The following CACNA2D3 variants were observed in gnomAD, a reference collection of about 807,000 sequenced individuals.
The protein encoded by CACNA2D3 is calcium voltage-gated channel auxiliary subunit alpha2delta 3.
CACNA2D3 carries 60 observed loss-of-function variants against 160.6 expected under a neutral mutation model. That is an observed-to-expected ratio of 0.37 (90% CI 0.30 to 0.46). The LOEUF is 0.46. Ranked by LOEUF, CACNA2D3 falls within the 20% of genes least tolerant of loss-of-function variation. The probability of loss-of-function intolerance (pLI) is 1.00; values close to 1 mark genes in which losing one functional copy is unlikely to be tolerated. For synonymous variants in CACNA2D3, 558 were observed against 492.9 expected (o/e 1.13, Z -1.75); for missense variants, 1,205 against 1,365.0 (o/e 0.88, Z 1.85).
At chr3:54,516,871 C>T (rs376739098) in intron 5 of CACNA2D3, among the ~76,000 whole-genome samples, 1 of 152,166 alleles carries the variant, frequency 6.6e-6, no homozygotes, top group East Asian at 1.9e-4. Context: ...AAAGTGCCCC[C>T]AAAATCCAGA....
chr3:54,133,371 C>CT (rs1311861714), intron 2 of CACNA2D3, among the ~76,000 whole-genome samples: 2 of 152,190 alleles, frequency 1.3e-5, no homozygotes, highest in Non-Finnish European at 2.9e-5. Flanking sequence ...AAGGCAGACT[C>CT]TGAGTCCGCA....
chr3:54,663,204 A>G (rs1559542863), intron 11 of CACNA2D3, among the ~76,000 whole-genome samples: 1 of 152,166 alleles, frequency 6.6e-6, no homozygotes, highest in African/African-American at 2.4e-5. Flanking sequence ...GATGTTTTCA[A>G]TGACTTAGTT....
At chr3:54,787,589 A>AGTTTTC (rs1409624420) in intron 13 of CACNA2D3, among the ~76,000 whole-genome samples, 2 of 152,196 alleles carry the variant, frequency 1.3e-5, no homozygotes, top group African/African-American at 4.8e-5. Flanking sequence ...AAAACTTTAA[A>AGTTTTC]AATTAGTTAG....
chr3:54,960,418 C>A (rs1055721768), intron 27 of CACNA2D3, among the ~76,000 whole-genome samples: 5 of 152,138 alleles, frequency 3.3e-5, no homozygotes, highest in African/African-American at 1.2e-4. Context: ...ATACCTCCTC[C>A]CCTTTTATCA....
At chr3:54,720,208 A>G (rs943370472) in intron 11 of CACNA2D3, among the ~76,000 whole-genome samples, 1 of 151,940 alleles carries the variant, frequency 6.6e-6, no homozygotes, top group Non-Finnish European at 1.5e-5. Flanking sequence ...TTAAAATGGA[A>G]CCTTAGATTA....
chr3:54,952,444 G>A (rs7636684), intron 27 of CACNA2D3, among the ~76,000 whole-genome samples: 118,521 of 152,130 alleles, frequency 0.78, 46,958 homozygotes, highest in African/African-American at 0.92. Flanking sequence ...GGCTCTCAGA[G>A]ACAGATCAGT....
chr3:55,043,938 A>G (rs1704017063), intron 35 of CACNA2D3, among the ~76,000 whole-genome samples: 1 of 152,170 alleles, frequency 6.6e-6, no homozygotes, highest in Non-Finnish European at 1.5e-5. Flanking sequence ...ATATGTATAC[A>G]TCTGATTGAA....
intron 2 of CACNA2D3, among the ~76,000 whole-genome samples, chr3:54,245,295 G>A (rs1702051060): frequency 6.6e-6 from 1 of 151,898 alleles, no homozygotes; most frequent in South Asian, 2.1e-4. Context: ...GTATGTAAGT[G>A]TGCATGTGTA....
At chr3:54,847,215 GT>G (rs1421526332) in intron 17 of CACNA2D3, among the ~76,000 whole-genome samples, 1 of 152,164 alleles carries the variant, frequency 6.6e-6, no homozygotes, top group African/African-American at 2.4e-5. Context: ...TAGTTGCAGT[GT>G]GTTGAAAAAA....
At chr3:54,893,657 T>C (rs1038057348) in intron 25 of CACNA2D3, among the ~76,000 whole-genome samples, 5 of 152,254 alleles carry the variant, frequency 3.3e-5, no homozygotes, top group Middle Eastern at 3.4e-3. Context: ...TAATATAAAG[T>C]TGCTACCCTG....
chr3:54,934,278 A>G (rs1701275595), intron 27 of CACNA2D3, among the ~76,000 whole-genome samples: 1 of 152,184 alleles, frequency 6.6e-6, no homozygotes, highest in Non-Finnish European at 1.5e-5. Context: ...TAAGATGTAA[A>G]TTGAATTATC....
At chr3:54,590,595 C>CTCT (rs1268044024) in intron 9 of CACNA2D3, among the ~76,000 whole-genome samples, 1 of 80,106 alleles carries the variant, frequency 1.2e-5, no homozygotes, top group Admixed American at 1.5e-4. Context: ...TGTGGCATTT[C>CTCT]TCTTATTATT....
chr3:55,012,363 G>A (rs1703229475), intron 34 of CACNA2D3, among the ~76,000 whole-genome samples: 1 of 152,100 alleles, frequency 6.6e-6, no homozygotes, highest in Non-Finnish European at 1.5e-5. Flanking sequence ...GCTGAAGGCA[G>A]CAGGCTTGTT....
intron 27 of CACNA2D3, among the ~76,000 whole-genome samples, chr3:54,924,145 T>C (rs973374116): frequency 2.6e-5 from 4 of 152,184 alleles, no homozygotes; most frequent in East Asian, 1.9e-4. Context: ...TTCAGTGACA[T>C]TGGTGTTTGC....
chr3:54,870,729 T>C (rs115651275), intron 17 of CACNA2D3, among the ~76,000 whole-genome samples: 2,049 of 152,264 alleles, frequency 0.013, 27 homozygotes, highest in African/African-American at 0.041. Context: ...TAACAGCCAT[T>C]ACATCTGGCT....
chr3:54,725,932 G>T (rs1575443200), intron 11 of CACNA2D3, among the ~76,000 whole-genome samples: 1 of 152,224 alleles, frequency 6.6e-6, no homozygotes, highest in Middle Eastern at 3.4e-3. Flanking sequence ...GCAAGGGAAA[G>T]AAATAAAGGG....
At chr3:54,805,687 C>T (rs947642633) in intron 13 of CACNA2D3, among the ~76,000 whole-genome samples, 5 of 152,338 alleles carry the variant, frequency 3.3e-5, no homozygotes, top group South Asian at 2.1e-4. Context: ...AGTGAATCCT[C>T]CCTAACTCAT....
intron 13 of CACNA2D3, among the ~76,000 whole-genome samples, chr3:54,788,382 G>A (rs928325995): frequency 6.6e-6 from 1 of 152,138 alleles, no homozygotes; most frequent in African/African-American, 2.4e-5. Flanking sequence ...GACTAAGTGT[G>A]GGGGAAGATC....
At chr3:54,920,878 T>C (rs1700826098) in intron 27 of CACNA2D3, among the ~76,000 whole-genome samples, 1 of 152,130 alleles carries the variant, frequency 6.6e-6, no homozygotes, top group Non-Finnish European at 1.5e-5. Flanking sequence ...CCAGACTTTC[T>C]GTTGTTCGGT....
Sources: gnomAD v4.1 joint callset for allele counts (sites outside exome capture counted in the v4.1 genomes callset) on GRCh38, gnomAD v4.1.1 for gene constraint, MANE v1.5 for transcripts, NCBI Gene and HGNC (gene_info 2026-07-23, HGNC 2026-07-21) for gene names.